The following MYO5A variants were observed in gnomAD, a reference collection of about 807,000 sequenced individuals.
MYO5A encodes unconventional myosin-Va.
In MYO5A, 98 loss-of-function variants were observed where a neutral mutation model predicts 249.7. The observed-to-expected ratio is 0.39, with a 90% CI of 0.33 to 0.46. The LOEUF is 0.46. Ranked by LOEUF, MYO5A falls within the 20% of genes least tolerant of loss-of-function variation. The probability of loss-of-function intolerance (pLI) is 0.98; values close to 1 mark genes in which losing one functional copy is unlikely to be tolerated. For synonymous variants in MYO5A, 778 were observed against 810.6 expected, an observed-to-expected ratio of 0.96 and a Z score of 0.68; for missense variants, 1,696 against 2,308.8, an observed-to-expected ratio of 0.73 and a Z score of 5.44.
chr15:52,451,904 G>A (rs2076027542), intron 1 of MYO5A, among the ~76,000 whole-genome samples: 3 of 152,214 alleles, frequency 2.0e-5, no homozygotes, highest in African/African-American at 7.2e-5. Flanking sequence ...ATAGGAAGAT[G>A]TCTGTTTTAC....
intron 9 of MYO5A, among the ~76,000 whole-genome samples, chr15:52,404,619 A>G (rs756894215): frequency 2.0e-5 from 3 of 152,190 alleles, no homozygotes; most frequent in African/African-American, 4.8e-5. Flanking sequence ...GATTTGAGCT[A>G]CAATAAAGGA....
At position 52,484,965 on chromosome 15, in the gene MYO5A, G is replaced by A. The variant is rs141581783; in HGVS notation, c.27+43815C>T. On this transcript the variant is annotated intron_variant, in intron 1 of 41. Transcript: ENST00000399233. ...TTGAACTCCTGACCACAGGTGATCC[G>A]CCCGCCCTGGCCTCCCAAAGTGCTG... Among the ~76,000 whole-genome samples the A allele has an allele frequency of 1.4e-3, 211 of 152,164 alleles. 2 individuals are homozygous for A. The highest frequency in any genetic ancestry group is 7.2e-3 in the East Asian group (37 of 5,174).
intron 5 of MYO5A, among the ~76,000 whole-genome samples, chr15:52,414,587 T>C: frequency 6.6e-6 from 1 of 152,148 alleles, no homozygotes; most frequent in Non-Finnish European, 1.5e-5. Context: ...TATTATATGG[T>C]CCAGGCCCGG....
chr15:52,338,546 G>C (rs528816546), intron 32 of MYO5A, among the ~76,000 whole-genome samples: 1 of 152,258 alleles, frequency 6.6e-6, no homozygotes, highest in East Asian at 1.9e-4. Flanking sequence ...TTAAGATTGA[G>C]AAAACAATGA....
intron 34 of MYO5A, among the ~76,000 whole-genome samples, chr15:52,334,456 T>C (rs2039026062): frequency 6.6e-6 from 1 of 152,216 alleles, no homozygotes; most frequent in Non-Finnish European, 1.5e-5. Context: ...AGCTCATGTG[T>C]GTGTGAGTGT....
At chr15:52,484,791 C>T (rs1188470936) in intron 1 of MYO5A, among the ~76,000 whole-genome samples, 1 of 152,146 alleles carries the variant, frequency 6.6e-6, no homozygotes, top group Non-Finnish European at 1.5e-5. Context: ...TTGCAGGCAC[C>T]CACCACCACG....
intron 1 of MYO5A, among the ~76,000 whole-genome samples, chr15:52,509,039 G>A (rs545582995): frequency 9.3e-5 from 14 of 151,344 alleles, no homozygotes; most frequent in East Asian, 1.9e-4. Context: ...TGGTTTGATC[G>A]TGGCTCACTG....
intron 1 of MYO5A, among the ~76,000 whole-genome samples, chr15:52,523,536 G>A (rs780439649): frequency 2.0e-4 from 30 of 152,168 alleles, no homozygotes; most frequent in African/African-American, 2.9e-4. Flanking sequence ...TTAGAGTATC[G>A]TGGGAGTGGT....
chr15:52,326,347 G>A (rs2038604360), intron 36 of MYO5A, among the ~76,000 whole-genome samples: 1 of 152,176 alleles, frequency 6.6e-6, no homozygotes, highest in Non-Finnish European at 1.5e-5. Context: ...AAAACTTATA[G>A]TTTATCTAAG....
chr15:52,319,451 G>C (rs567099280), intron 38 of MYO5A, 109 bp from the exon 39 acceptor site: 1 of 1,236,136 alleles, frequency 8.1e-7, no homozygotes, highest in African/African-American at 1.5e-5. Flanking sequence ...AAATTAGCTG[G>C]GCACGGTGGC....
chr15:52,323,467 A>G (rs1377183882), intron 36 of MYO5A, 23 bp from the exon 37 acceptor site: 2 of 1,588,926 alleles, frequency 1.3e-6, no homozygotes, highest in Non-Finnish European at 1.7e-6. Flanking sequence ...ATAAGTCTAA[A>G]CTTGCCTTTT....
chr15:52,412,764 T>C (rs2043304735), intron 5 of MYO5A, among the ~76,000 whole-genome samples: 1 of 152,204 alleles, frequency 6.6e-6, no homozygotes. Flanking sequence ...CTTGGTAATC[T>C]TGGTTTTACT....
chr15:52,371,918 T>TAATAAC (rs2041142508), intron 21 of MYO5A, among the ~76,000 whole-genome samples: 1 of 141,432 alleles, frequency 7.1e-6, no homozygotes, highest in Non-Finnish European at 1.5e-5. Flanking sequence ...ATAATAATAA[T>TAATAAC]AATAACTTCC....
At chr15:52,456,788 C>T (rs1163057675) in intron 1 of MYO5A, among the ~76,000 whole-genome samples, 3 of 152,118 alleles carry the variant, frequency 2.0e-5, no homozygotes, top group African/African-American at 7.2e-5. Context: ...TGAAACTAGA[C>T]CCCAGTCTCT....
intron 1 of MYO5A, chr15:52,435,769 G>A: frequency 2.5e-6 from 1 of 407,178 alleles, no homozygotes; most frequent in Non-Finnish European, 4.8e-6. Flanking sequence ...TTAATTATTG[G>A]CAGCACTTAC....
At chr15:52,414,132 G>A (rs553364499) in intron 5 of MYO5A, among the ~76,000 whole-genome samples, 3 of 152,182 alleles carry the variant, frequency 2.0e-5, no homozygotes, top group African/African-American at 7.2e-5. Flanking sequence ...TAGTTCTCTC[G>A]GGACTGGATT....
At chr15:52,481,403 C>T (rs2141493101) in intron 1 of MYO5A, among the ~76,000 whole-genome samples, 1 of 152,308 alleles carries the variant, frequency 6.6e-6, no homozygotes, top group Non-Finnish European at 1.5e-5. Context: ...ATTTCATACA[C>T]TGTTCTAAGA....
chr15:52,327,796 C>T, intron 36 of MYO5A, 56 bp downstream of exon 36: 5 of 1,507,508 alleles, frequency 3.3e-6, no homozygotes, highest in Non-Finnish European at 4.6e-6. Flanking sequence ...TCAATCAGTG[C>T]AGATTCTGTC....
intron 1 of MYO5A, among the ~76,000 whole-genome samples, chr15:52,458,384 T>G (rs1472046118): frequency 6.6e-6 from 1 of 152,128 alleles, no homozygotes; most frequent in African/African-American, 2.4e-5. Context: ...AAGACCAGCC[T>G]GGGCTGGTGA....
Sources: gnomAD v4.1 joint callset for allele counts (sites outside exome capture counted in the v4.1 genomes callset) on GRCh38, gnomAD v4.1.1 for gene constraint, MANE v1.5 for transcripts, NCBI Gene and HGNC (gene_info 2026-07-23, HGNC 2026-07-21) for gene names.